ESR1: variants seen among roughly 807,000 people sequenced by gnomAD.
The protein encoded by ESR1 is estrogen receptor 1, also known as estrogen receptor.
Under a neutral mutation model 52.7 loss-of-function variants are expected in ESR1, and 12 were observed. The ratio of observed to expected loss-of-function variants is 0.23; its 90% CI spans 0.15 to 0.37. ESR1 has a LOEUF of 0.37. Ranked by LOEUF, ESR1 falls within the 10% of genes least tolerant of loss-of-function variation. The pLI is 1.00. For synonymous variants in ESR1, 305 were observed against 316.8 expected (o/e 0.96, Z 0.39); for missense variants, 584 against 779.7 (o/e 0.75, Z 2.99).
intron 2 of ESR1, among the ~76,000 whole-genome samples, chr6:151,776,471 T>C (rs1786001239): frequency 6.6e-6 from 1 of 152,186 alleles, no homozygotes; most frequent in South Asian, 2.1e-4. Flanking sequence ...CTAGTGGCTA[T>C]TAACTACCAG....
chr6:151,882,952 C>T (rs1443268185), intron 3 of ESR1, among the ~76,000 whole-genome samples: 2 of 152,140 alleles, frequency 1.3e-5, no homozygotes, highest in African/African-American at 4.8e-5. Context: ...CACACTTGCA[C>T]ATGTATATTG....
intron 3 of ESR1, among the ~76,000 whole-genome samples, chr6:151,917,137 T>C (rs2030430472): frequency 6.6e-6 from 1 of 152,186 alleles, no homozygotes; most frequent in Non-Finnish European, 1.5e-5. Context: ...TACTCAGCTC[T>C]ACACCAATCA....
At chr6:152,005,045 A>G (rs2042228659) in intron 4 of ESR1, among the ~76,000 whole-genome samples, 1 of 152,116 alleles carries the variant, frequency 6.6e-6, no homozygotes, top group South Asian at 2.1e-4. Context: ...TCCCAAGGCA[A>G]GTAGTCACTA....
Position 151,853,653 on chromosome 6 carries a change from C to T in ESR1, c.643+10866C>T, listed in dbSNP as rs534598472. On this transcript the variant is annotated intron_variant, in intron 2 of 7. Transcript: ENST00000206249. ...GAAGCTTTCAGAGGTCTTGAAAAAC[C>T]ATGGCAACAAATGCCTTTGAAGGGT... 3.9e-5 allele frequency among the ~76,000 whole-genome samples: 6 copies of T among 152,270 alleles called. No homozygotes were observed. The South Asian group carries it at 1.2e-3, about 32-fold the overall frequency.
chr6:151,894,685 G>C (rs1025789934), intron 3 of ESR1, among the ~76,000 whole-genome samples: 1 of 151,982 alleles, frequency 6.6e-6, no homozygotes, highest in Non-Finnish European at 1.5e-5. Flanking sequence ...TTGGCAAAGA[G>C]CAGTTGGCTG....
chr6:152,021,702 C>T (rs2043667292), intron 5 of ESR1, among the ~76,000 whole-genome samples: 1 of 152,150 alleles, frequency 6.6e-6, no homozygotes, highest in Admixed American at 6.5e-5. Context: ...TCACCCAAAT[C>T]TCATCCTGAA....
At chr6:152,052,946 C>G (rs1018727430) in intron 5 of ESR1, among the ~76,000 whole-genome samples, 1 of 152,102 alleles carries the variant, frequency 6.6e-6, no homozygotes, top group African/African-American at 2.4e-5. Flanking sequence ...TGTGCCTTAG[C>G]CCATCCAGGG....
chr6:152,023,924 T>C (rs1361671734), intron 5 of ESR1, among the ~76,000 whole-genome samples: 3 of 152,190 alleles, frequency 2.0e-5, no homozygotes, highest in Non-Finnish European at 4.4e-5. Flanking sequence ...AAAATGTTAC[T>C]GGAACACTGT....
chr6:152,111,268 G>A (rs2051131420), intron 6 of ESR1, among the ~76,000 whole-genome samples: 1 of 152,228 alleles, frequency 6.6e-6, no homozygotes, highest in Admixed American at 6.5e-5. Context: ...GAGCAAGGAA[G>A]CCTTTGGGCA....
chr6:151,984,584 T>A (rs1306956522), intron 4 of ESR1, among the ~76,000 whole-genome samples: 1 of 152,168 alleles, frequency 6.6e-6, no homozygotes, highest in Non-Finnish European at 1.5e-5. Flanking sequence ...CTCCACTACC[T>A]GCAGTCCACC....
chr6:152,109,041 T>G (rs1462029872), intron 6 of ESR1, among the ~76,000 whole-genome samples: 1 of 152,134 alleles, frequency 6.6e-6, no homozygotes, highest in East Asian at 1.9e-4. Flanking sequence ...ACTTCTTACT[T>G]TGCCAGGAGG....
chr6:151,659,510 C>T (rs1033710601), intron 1 of ESR1, among the ~76,000 whole-genome samples: 12 of 152,188 alleles, frequency 7.9e-5, no homozygotes, highest in Admixed American at 2.6e-4. Context: ...TTCTCATAGC[C>T]TTTTACCATT....
At position 151,888,178 on chromosome 6, in the gene ESR1, G is replaced by C. The variant is rs377688094; in HGVS notation, c.760+7407G>C. ...TTTTTGTGGTTCCATACAAATTTTT[G>C]GATTGTTTTTCCACTTTTGTAAAAA... is the stretch of plus-strand genomic sequence containing the variant. On this transcript the variant is annotated intron_variant, in intron 3 of 7. Transcript: ENST00000206249. Among the ~76,000 whole-genome samples, 184 of 152,068 alleles carry C rather than the reference G, an allele frequency of 1.2e-3. 4 individuals carry two copies. In the South Asian group the frequency reaches 0.022, roughly 18 times the overall value.
chr6:151,912,624 G>C (rs866039126), intron 3 of ESR1, among the ~76,000 whole-genome samples: 1 of 152,068 alleles, frequency 6.6e-6, no homozygotes, highest in African/African-American at 2.4e-5. Flanking sequence ...TAATACATCC[G>C]TATAAACATC....
intron 4 of ESR1, among the ~76,000 whole-genome samples, chr6:151,953,661 C>A (rs2036574259): frequency 6.6e-6 from 1 of 151,584 alleles, no homozygotes. Context: ...GCAGAGGTTG[C>A]AGTGAGTCGA....
chr6:151,808,190 G>A lies in ESR1; in HGVS notation c.278G>A (p.Gly93Asp), dbSNP rs2128156657. 1 of 1,577,564 alleles carries A rather than the reference G, an allele frequency of 6.3e-7. No homozygotes were observed. Among genetic ancestry groups the A allele is most frequent in the Non-Finnish European group, 8.6e-7 (1 of 1,161,644 alleles). The change falls in exon 1 of 8, where the codon GGC becomes GAC. Residue 93 changes from glycine to aspartate, a missense_variant. Coordinates refer to ENST00000206249, the MANE Select transcript of ESR1 (RefSeq NM_000125.4). ...GSEAAAFGSN[G>D]LGGFPPLNSV... is the part of the protein sequence containing the mutation. The stretch of plus-strand genomic sequence containing the variant: ...GAGGCTGCGGCGTTCGGCTCCAACG[G>A]CCTGGGGGGTTTCCCCCCACTCAAC...
At position 152,027,866 on chromosome 6, in the gene ESR1, G is replaced by A. The variant is rs138062034; in HGVS notation, c.1235+16072G>A. Among the ~76,000 whole-genome samples, 494 of 152,200 alleles carry A rather than the reference G, an allele frequency of 3.2e-3. 1 individual carries two copies. The highest frequency in any genetic ancestry group is 0.011 in the African/African-American group (459 of 41,530). On this transcript the variant is annotated intron_variant, in intron 5 of 7. Transcript: ENST00000206249. Reference sequence around the variant, plus strand: ...TAGTTTTAAATATTTGTTTGGGGGCGGGTGCGGTGGCTCATGCCTGTAATC... The same window carrying A: ...TAGTTTTAAATATTTGTTTGGGGGCAGGTGCGGTGGCTCATGCCTGTAATC...
rs190203983 is a variant in ESR1 at position 152,087,066 on chromosome 6, T to G, written c.1370-7319T>G. 1.1e-3 allele frequency among the ~76,000 whole-genome samples: 173 copies of G among 152,322 alleles called. 2 individuals carry two copies. Among genetic ancestry groups the G allele is most frequent in the Non-Finnish European group, 6.2e-4 (42 of 68,020 alleles). On this transcript the variant is annotated intron_variant, in intron 6 of 7. Transcript: ENST00000206249. ...TCAGTAATGTTGAGGGTTTTAATGT[T>G]GAGGGCTTTATCAAACTAAACATTC... is the stretch of plus-strand genomic sequence containing the variant.
intron 2 of ESR1, among the ~76,000 whole-genome samples, chr6:151,856,361 T>C (rs1583709205): frequency 6.6e-6 from 1 of 152,172 alleles, no homozygotes; most frequent in African/African-American, 2.4e-5. Flanking sequence ...TTTGCAACTT[T>C]CTTGATTTTC....
Sources: allele counts gnomAD v4.1 joint callset (sites outside exome capture counted in the v4.1 genomes callset), GRCh38; gene constraint gnomAD v4.1.1; transcripts MANE v1.5; gene names NCBI Gene and HGNC (gene_info 2026-07-23, HGNC 2026-07-21).